MCU: variants seen among roughly 807,000 people sequenced by gnomAD.
MCU encodes calcium uniporter protein, mitochondrial.
A neutral mutation model predicts 45.2 loss-of-function variants in MCU; 12 were observed. The observed-to-expected ratio is 0.27, with a 90% CI of 0.17 to 0.43. MCU has a LOEUF of 0.43. MCU is among the 20% of genes least tolerant of loss of function. The pLI is 1.00. For synonymous variants in MCU, 160 were observed against 165.1 expected, an observed-to-expected ratio of 0.97 and a Z score of 0.24; for missense variants, 324 against 436.7, an observed-to-expected ratio of 0.74 and a Z score of 2.30.
chr10:72,882,468 G>A (rs1011966558), intron 6 of MCU, among the ~76,000 whole-genome samples: 3 of 152,164 alleles, frequency 2.0e-5, no homozygotes, highest in Non-Finnish European at 2.9e-5. Context: ...GAAAGAGAAT[G>A]CACCCCTGAG....
In MCU at chr10:72,781,011, G is replaced by A. The variant is rs376286777; in HGVS notation, c.151-53348G>A. Among the ~76,000 whole-genome samples, 124 of 152,144 alleles carry A rather than the reference G, an allele frequency of 8.2e-4. 1 individual carries two copies. The Middle Eastern group carries it at 0.017, about 21-fold the overall frequency. On this transcript the variant is annotated intron_variant, in intron 1 of 7. Transcript: ENST00000373053. The stretch of plus-strand genomic sequence containing the variant: ...TAATATTTTATTCATTTATTTGGGG[G>A]TATTTGCCTTCTTAATGGAATTTTA...
At chr10:72,884,549 C>T (rs1347427744) in intron 7 of MCU, 167 bp downstream of exon 7, 2 of 509,940 alleles carry the variant, frequency 3.9e-6, no homozygotes, top group Non-Finnish European at 3.5e-6. Context: ...TAGGCATGGA[C>T]ATTTCTCTAG....
intron 1 of MCU, among the ~76,000 whole-genome samples, chr10:72,724,356 T>C (rs3009546): frequency 0.51 from 77,427 of 152,096 alleles, 22,184 homozygotes; most frequent in Non-Finnish European, 0.67. Flanking sequence ...TGAGATTCTT[T>C]TAAAAGTACT....
intron 1 of MCU, among the ~76,000 whole-genome samples, chr10:72,708,718 T>A (rs184990555): frequency 1.6e-4 from 24 of 152,334 alleles, no homozygotes; most frequent in African/African-American, 5.8e-4. Flanking sequence ...ATTATGGGAA[T>A]GTCAAGAAGG....
chr10:72,840,203 C>T lies in MCU; in HGVS notation c.220+5775C>T, dbSNP rs551418518. 2.6e-5 allele frequency among the ~76,000 whole-genome samples: 4 copies of T among 152,294 alleles called. No homozygotes were observed. In the South Asian group the frequency reaches 8.3e-4, roughly 32 times the overall value. On this transcript the variant is annotated intron_variant, in intron 2 of 7. Transcript: ENST00000373053. ...CCCTACATCCTCCCCAACTTTGGTA[C>T]AATCAATCTTGATTATAGACACTCT...
rs150076629 is a variant in MCU, at chr10:72,842,040, C to A, written c.220+7612C>A. 2.0e-5 allele frequency among the ~76,000 whole-genome samples: 3 copies of A among 152,132 alleles called. No individual in the cohort carries two copies. In the East Asian group the frequency reaches 5.8e-4, roughly 29 times the overall value. On this transcript the variant is annotated intron_variant, in intron 2 of 7. Transcript: ENST00000373053. The stretch of plus-strand genomic sequence containing the variant: ...GGCAGAAAAATCATAAACTCTTAGC[C>A]AAGCTATTGCTCTGAGTAAGGTAAA...
chr10:72,699,029 C>T (rs1046693714), intron 1 of MCU, among the ~76,000 whole-genome samples: 3 of 152,144 alleles, frequency 2.0e-5, no homozygotes, highest in Non-Finnish European at 4.4e-5. Flanking sequence ...GTCTTGAACT[C>T]CTCGGCTCAA....
At chr10:72,767,759 T>TGA (rs545276287) in intron 1 of MCU, among the ~76,000 whole-genome samples, 28 of 152,330 alleles carry the variant, frequency 1.8e-4, no homozygotes, top group South Asian at 1.7e-3. Context: ...TTTGGGGGGA[T>TGA]GACTTTGGTC....
chr10:72,784,613 T>C (rs1460163217), intron 1 of MCU, among the ~76,000 whole-genome samples: 2 of 152,214 alleles, frequency 1.3e-5, no homozygotes, highest in Non-Finnish European at 2.9e-5. Flanking sequence ...GCCTTCTGTG[T>C]ATCCAGTAGC....
intron 1 of MCU, among the ~76,000 whole-genome samples, chr10:72,775,345 G>A (rs1446707228): frequency 6.6e-6 from 1 of 151,958 alleles, no homozygotes; most frequent in Admixed American, 6.6e-5. Context: ...TGAAACAAAT[G>A]AAAATGGAAA....
intron 1 of MCU, chr10:72,731,120 G>A (rs894876109): frequency 6.6e-6 from 1 of 152,130 alleles, no homozygotes; most frequent in Non-Finnish European, 1.5e-5. Flanking sequence ...ATTCTTCTTA[G>A]TAGGGATGTG....
chr10:72,847,679 G>A (rs192752748), intron 2 of MCU, among the ~76,000 whole-genome samples: 122 of 152,240 alleles, frequency 8.0e-4, no homozygotes, highest in African/African-American at 2.6e-3. Context: ...TTACAACAAA[G>A]GGGCATAAAC....
intron 1 of MCU, among the ~76,000 whole-genome samples, chr10:72,758,343 G>A (rs911572391): frequency 4.6e-5 from 7 of 152,050 alleles, no homozygotes; most frequent in Admixed American, 1.3e-4. Flanking sequence ...CTGCTTCTTC[G>A]GTTTAAAATA....
chr10:72,764,044 G>T (rs537370360), intron 1 of MCU, among the ~76,000 whole-genome samples: 1 of 152,188 alleles, frequency 6.6e-6, no homozygotes, highest in African/African-American at 2.4e-5. Flanking sequence ...GAACAGTTTA[G>T]GTTGAACTGT....
intron 1 of MCU, among the ~76,000 whole-genome samples, chr10:72,698,679 A>G (rs1842719316): frequency 6.6e-6 from 1 of 152,090 alleles, no homozygotes; most frequent in Admixed American, 6.5e-5. Context: ...CAATTTTTGT[A>G]TTGTTAGTAG....
chr10:72,792,703 C>T (rs1844181830), intron 1 of MCU, among the ~76,000 whole-genome samples: 1 of 132,208 alleles, frequency 7.6e-6, no homozygotes, highest in Admixed American at 7.6e-5. Context: ...CTCTCCCCTC[C>T]CCCCCACCCC....
At chr10:72,726,786 C>A (rs924058558) in intron 1 of MCU, among the ~76,000 whole-genome samples, 2 of 152,042 alleles carry the variant, frequency 1.3e-5, no homozygotes, top group African/African-American at 4.8e-5. Flanking sequence ...AGAGTCTTTC[C>A]AAGGTCCCTT....
intron 2 of MCU, among the ~76,000 whole-genome samples, chr10:72,858,202 A>G (rs748611214): frequency 1.3e-5 from 2 of 152,210 alleles, no homozygotes; most frequent in Non-Finnish European, 2.9e-5. Flanking sequence ...TCAGTACGCT[A>G]TAGGAGAGGC....
intron 1 of MCU, among the ~76,000 whole-genome samples, chr10:72,697,426 A>ATTTTT (rs1001610262): frequency 2.8e-4 from 18 of 64,132 alleles, no homozygotes; most frequent in Non-Finnish European, 4.1e-4. Context: ...CCAGACTTCT[A>ATTTTT]TTTTTTTTTT....
Sources: allele counts gnomAD v4.1 joint callset (sites outside exome capture counted in the v4.1 genomes callset), GRCh38; gene constraint gnomAD v4.1.1; transcripts MANE v1.5; gene names NCBI Gene and HGNC (gene_info 2026-07-23, HGNC 2026-07-21).